Variants in MECOM observed in about 807,000 individuals in gnomAD.
MECOM encodes histone-lysine N-methyltransferase MECOM.
Under a neutral mutation model 116.3 loss-of-function variants are expected in MECOM, and 13 were observed. The ratio of observed to expected loss-of-function variants is 0.11; its 90% CI spans 0.07 to 0.18. The LOEUF is 0.18. Among genes scored for constraint, MECOM ranks in the 10% least tolerant of loss-of-function variants. The probability of loss-of-function intolerance (pLI) is 1.00; values close to 1 mark genes in which losing one functional copy is unlikely to be tolerated. For missense variants in MECOM, 1,299 were observed against 1,509.0 expected (o/e 0.86, Z 2.31); for synonymous variants, 528 against 535.2 (o/e 0.99, Z 0.19).
intron 1 of MECOM, among the ~76,000 whole-genome samples, chr3:169,599,491 G>A (rs1278973593): frequency 5.6e-5 from 8 of 143,204 alleles, no homozygotes; most frequent in East Asian, 2.0e-4. Flanking sequence ...CCAACCTGGC[G>A]ACAGAGTGAG....
At chr3:169,422,640 T>C (rs1484749480) in intron 1 of MECOM, among the ~76,000 whole-genome samples, 3 of 152,068 alleles carry the variant, frequency 2.0e-5, no homozygotes, top group Admixed American at 6.6e-5. Context: ...TTTAAAGATA[T>C]AGAACACTAA....
chr3:169,560,864 T>A (rs898091338), intron 1 of MECOM, among the ~76,000 whole-genome samples: 1 of 151,908 alleles, frequency 6.6e-6, no homozygotes, highest in Non-Finnish European at 1.5e-5. Context: ...TTTGGGTGAC[T>A]TTTTTTTCTA....
At chr3:169,538,013 C>G (rs1759598139) in intron 1 of MECOM, among the ~76,000 whole-genome samples, 1 of 152,054 alleles carries the variant, frequency 6.6e-6, no homozygotes, top group African/African-American at 2.4e-5. Flanking sequence ...AATAATGATA[C>G]CTGGGGTCCT....
At chr3:169,260,552 T>C (rs948933435) in intron 2 of MECOM, among the ~76,000 whole-genome samples, 4 of 152,144 alleles carry the variant, frequency 2.6e-5, no homozygotes, top group African/African-American at 9.7e-5. Flanking sequence ...CCCCTCTCAT[T>C]TTTTGGCTTC....
intron 1 of MECOM, among the ~76,000 whole-genome samples, chr3:169,526,349 T>G (rs1757966540): frequency 6.6e-6 from 1 of 152,116 alleles, no homozygotes; most frequent in South Asian, 2.1e-4. Context: ...ATGACAGACA[T>G]GAAGGAGGTG....
chr3:169,443,118 A>G (rs1352686923), intron 1 of MECOM, among the ~76,000 whole-genome samples: 37 of 152,222 alleles, frequency 2.4e-4, no homozygotes, highest in Non-Finnish European at 1.5e-5. Flanking sequence ...ATCTACCAGA[A>G]CTGGGATTTC....
At chr3:169,618,481 C>A (rs1331239032) in intron 1 of MECOM, among the ~76,000 whole-genome samples, 2 of 152,050 alleles carry the variant, frequency 1.3e-5, no homozygotes, top group East Asian at 1.9e-4. Flanking sequence ...CATGGTGAAA[C>A]CCCGTCTCTA....
intron 1 of MECOM, among the ~76,000 whole-genome samples, chr3:169,521,838 C>T (rs2109087173): frequency 6.6e-6 from 1 of 152,172 alleles, no homozygotes; most frequent in African/African-American, 2.4e-5. Flanking sequence ...CAGGTCAAAG[C>T]TATTAGGAGG....
chr3:169,525,581 GT>G (rs1362157079), intron 1 of MECOM, among the ~76,000 whole-genome samples: 2 of 152,154 alleles, frequency 1.3e-5, no homozygotes, highest in African/African-American at 2.4e-5. Context: ...GTTTGGTTTT[GT>G]TTTTTGTCTC....
chr3:169,369,103 G>A (rs1340384200), intron 2 of MECOM, among the ~76,000 whole-genome samples: 1 of 151,976 alleles, frequency 6.6e-6, no homozygotes, highest in Admixed American at 6.6e-5. Flanking sequence ...CACTTTGGAA[G>A]TACTAGAGGT....
intron 2 of MECOM, among the ~76,000 whole-genome samples, chr3:169,298,174 T>A (rs976024967): frequency 6.6e-6 from 1 of 152,170 alleles, no homozygotes; most frequent in Non-Finnish European, 1.5e-5. Context: ...TGTCTTTTAT[T>A]TACGGAGTGG....
intron 2 of MECOM, among the ~76,000 whole-genome samples, chr3:169,308,737 A>G (rs1278868398): frequency 6.6e-6 from 1 of 152,192 alleles, no homozygotes; most frequent in Non-Finnish European, 1.5e-5. Flanking sequence ...TTTAAGGGTG[A>G]GCAAACTGTT....
intron 2 of MECOM, among the ~76,000 whole-genome samples, chr3:169,313,682 T>C (rs73036612): frequency 0.057 from 8,610 of 152,144 alleles, 669 homozygotes; most frequent in African/African-American, 0.17. Context: ...ATAACAGATA[T>C]GGTTATTATC....
rs1560161645 is a variant in MECOM at position 169,107,928 on chromosome 3, A to G, written c.2602T>C (p.Trp868Arg). 6.2e-7 allele frequency: 1 copy of G among 1,612,548 alleles called. No homozygotes were observed. Among genetic ancestry groups the G allele is most frequent in the Non-Finnish European group, 8.5e-7 (1 of 1,179,262 alleles). ...AAAAATATAAGTAGGAAACTTACCC[A>G]AGTTCTCTGATCAGGCAGTTGGAAC... is the stretch of plus-strand genomic sequence containing the variant. ...PQFQLPDQRT[W>R]MSAIENMAEK... is the part of the protein sequence containing the mutation. The change falls in exon 10 of 17, where the codon TGG becomes CGG. Residue 868 changes from tryptophan to arginine, a missense_variant and splice_region_variant. Physicochemically the swap from Trp to Arg is moderately radical, Grantham distance 101. Coordinates refer to ENST00000651503, the MANE Select transcript of MECOM (RefSeq NM_004991.4).
chr3:169,593,225 C>A (rs1414440827), intron 1 of MECOM, among the ~76,000 whole-genome samples: 1 of 152,156 alleles, frequency 6.6e-6, no homozygotes, highest in Non-Finnish European at 1.5e-5. Flanking sequence ...ACTAGGAAAA[C>A]AAACGCAGAA....
chr3:169,412,351 T>C (rs545170285), intron 1 of MECOM, among the ~76,000 whole-genome samples: 1 of 151,894 alleles, frequency 6.6e-6, no homozygotes, highest in Non-Finnish European at 1.5e-5. Flanking sequence ...AAGTTTTTTT[T>C]AAATTTATTT....
At chr3:169,641,387 A>G (rs1259038934) in intron 1 of MECOM, among the ~76,000 whole-genome samples, 1 of 152,126 alleles carries the variant, frequency 6.6e-6, no homozygotes. Flanking sequence ...CTTTAACCCC[A>G]CTGAGCCAAC....
At chr3:169,645,276 A>C (rs1774023650) in intron 1 of MECOM, among the ~76,000 whole-genome samples, 1 of 148,592 alleles carries the variant, frequency 6.7e-6, no homozygotes. Flanking sequence ...CCTGCTTTTT[A>C]ACATTTCTGA....
At chr3:169,191,436 A>C (rs1190143105) in intron 2 of MECOM, among the ~76,000 whole-genome samples, 2 of 151,888 alleles carry the variant, frequency 1.3e-5, no homozygotes, top group Non-Finnish European at 2.9e-5. Context: ...TTGAGACCTA[A>C]AGGAAAAGGG....
Sources: gnomAD v4.1 joint callset for allele counts (sites outside exome capture counted in the v4.1 genomes callset) on GRCh38, gnomAD v4.1.1 for gene constraint, MANE v1.5 for transcripts, NCBI Gene and HGNC (gene_info 2026-07-23, HGNC 2026-07-21) for gene names.